Variants in AP3B1 observed in about 807,000 individuals in gnomAD.
The protein encoded by AP3B1 is adaptor related protein complex 3 subunit beta 1, also known as AP-3 complex subunit beta-1.
A neutral mutation model predicts 132.5 loss-of-function variants in AP3B1; 61 were observed. The ratio of observed to expected loss-of-function variants is 0.46; its 90% CI spans 0.37 to 0.57. The LOEUF (loss-of-function observed/expected upper bound fraction) is 0.57. AP3B1 is among the 20% of genes least tolerant of loss of function. The pLI is 0.00. For missense variants in AP3B1, 1,120 were observed against 1,289.4 expected, an observed-to-expected ratio of 0.87 and a Z score of 2.01; for synonymous variants, 388 against 438.3, an observed-to-expected ratio of 0.89 and a Z score of 1.43.
chr5:78,275,754 G>C (rs547993322), intron 1 of AP3B1, among the ~76,000 whole-genome samples: 2 of 152,042 alleles, frequency 1.3e-5, no homozygotes, highest in South Asian at 4.2e-4. Flanking sequence ...TAACAGGCAT[G>C]AGCCACTGCC....
chr5:78,048,477 A>C (rs1748437436), intron 22 of AP3B1, among the ~76,000 whole-genome samples: 1 of 152,186 alleles, frequency 6.6e-6, no homozygotes, highest in Non-Finnish European at 1.5e-5. Context: ...TAACTGGTTC[A>C]GGGATGGACA....
chr5:78,157,763 T>TG (rs1445092939), intron 13 of AP3B1, among the ~76,000 whole-genome samples: 2 of 152,086 alleles, frequency 1.3e-5, no homozygotes, highest in Non-Finnish European at 2.9e-5. Context: ...TTACTCTTTT[T>TG]TTTTGAGACA....
chr5:78,144,117 G>C, intron 14 of AP3B1, among the ~76,000 whole-genome samples: 1 of 151,960 alleles, frequency 6.6e-6, no homozygotes, highest in Non-Finnish European at 1.5e-5. Flanking sequence ...CACAGACACA[G>C]ACACAGGTAC....
chr5:78,211,588 C>T (rs1174733295), intron 7 of AP3B1, among the ~76,000 whole-genome samples: 1 of 152,186 alleles, frequency 6.6e-6, no homozygotes, highest in Non-Finnish European at 1.5e-5. Context: ...TTTTGCCACA[C>T]TTCAAGCATA....
chr5:78,227,702 CAT>C (rs1561488683), intron 4 of AP3B1, among the ~76,000 whole-genome samples, 170 bp from the exon 5 acceptor site: 1 of 152,048 alleles, frequency 6.6e-6, no homozygotes, highest in Non-Finnish European at 1.5e-5. Flanking sequence ...AAAAGACAGA[CAT>C]AAATGTTTAC....
intron 21 of AP3B1, among the ~76,000 whole-genome samples, chr5:78,093,858 T>C (rs570513350): frequency 7.2e-5 from 11 of 152,332 alleles, no homozygotes; most frequent in African/African-American, 2.6e-4. Flanking sequence ...ACAAAGCAGC[T>C]AAAGCATGGA....
intron 7 of AP3B1, among the ~76,000 whole-genome samples, chr5:78,188,320 T>C (rs752810553): frequency 1.3e-5 from 2 of 152,222 alleles, no homozygotes; most frequent in Non-Finnish European, 2.9e-5. Flanking sequence ...GAGAACATTT[T>C]TGTAATCTGT....
intron 21 of AP3B1, among the ~76,000 whole-genome samples, chr5:78,091,864 T>C (rs188613210): frequency 6.3e-4 from 96 of 152,142 alleles, no homozygotes; most frequent in African/African-American, 2.2e-3. Context: ...GAATTTACAA[T>C]AGTTTAGGAA....
At position 78,162,802 on chromosome 5, in the gene AP3B1, T is replaced by C. The variant is rs756353042; in HGVS notation, c.1363+17A>G. On this transcript the variant is annotated intron_variant, in intron 13 of 26. Transcript: ENST00000255194. ...AAATTTAAATCACCTGAAAATAAAA[T>C]GAAACTGTAAACTTACCATCCCTGT... is the stretch of plus-strand genomic sequence containing the variant. 8 of 1,613,008 alleles carry C rather than the reference T, an allele frequency of 5.0e-6. No homozygotes were observed. The highest frequency in any genetic ancestry group is 2.2e-5 in the East Asian group (1 of 44,882).
chr5:78,129,436 A>G (rs2112301688), intron 15 of AP3B1, 129 bp from the exon 16 acceptor site: 1 of 820,874 alleles, frequency 1.2e-6, no homozygotes. Context: ...CATAGGGAAT[A>G]CACATTTCTA....
At chr5:78,087,507 T>C (rs1750312571) in intron 22 of AP3B1, 7 of 981,190 alleles carry the variant, frequency 7.1e-6, no homozygotes, top group Non-Finnish European at 8.5e-6. Flanking sequence ...CCTGTCCATA[T>C]TTTATTGTTG....
At chr5:78,046,955 T>C (rs1408218493) in intron 22 of AP3B1, among the ~76,000 whole-genome samples, 5 of 152,170 alleles carry the variant, frequency 3.3e-5, no homozygotes, top group African/African-American at 1.2e-4. Flanking sequence ...CATGCGGTGT[T>C]TGGTTTTCTA....
intron 22 of AP3B1, among the ~76,000 whole-genome samples, chr5:78,070,808 G>T (rs1375931865): frequency 1.3e-5 from 2 of 151,420 alleles, no homozygotes; most frequent in Admixed American, 6.6e-5. Flanking sequence ...AAACATGAAA[G>T]AAAGCTCCAT....
intron 2 of AP3B1, among the ~76,000 whole-genome samples, chr5:78,254,879 T>C (rs549506097): frequency 6.6e-6 from 1 of 152,226 alleles, no homozygotes; most frequent in African/African-American, 2.4e-5. Flanking sequence ...TCAAAAATGG[T>C]AACTACAAGT....
intron 24 of AP3B1, among the ~76,000 whole-genome samples, chr5:78,027,019 G>T (rs1747365399): frequency 6.6e-6 from 1 of 151,850 alleles, no homozygotes; most frequent in South Asian, 2.1e-4. Flanking sequence ...ACTTTTTTCT[G>T]CCAAATAAGC....
chr5:78,109,797 C>T (rs1751495035), intron 20 of AP3B1, among the ~76,000 whole-genome samples: 1 of 152,016 alleles, frequency 6.6e-6, no homozygotes, highest in Non-Finnish European at 1.5e-5. Flanking sequence ...CAAATTCTTA[C>T]TAACTAAAGA....
At position 78,176,427 on chromosome 5, in the gene AP3B1, T is replaced by C. The variant is rs1180173511; in HGVS notation, c.1041-589A>G. The stretch of plus-strand genomic sequence containing the variant: ...AGGGAGAATAGGAACACAAAGGAAA[T>C]GGCATCTCATTTGTTACTAAGCCAG... On this transcript the variant is annotated intron_variant, in intron 9 of 26. Coordinates refer to ENST00000255194, the MANE Select transcript of AP3B1 (RefSeq NM_003664.5). Among the ~76,000 whole-genome samples, 7 of 151,438 alleles carry C rather than the reference T, an allele frequency of 4.6e-5. No homozygotes were observed. The East Asian group carries it at 1.4e-3, about 29-fold the overall frequency.
In AP3B1 at chr5:78,275,992, G is replaced by A. The variant is rs79595668; in HGVS notation, c.129-8397C>T. On this transcript the variant is annotated intron_variant, in intron 1 of 26. Transcript: ENST00000255194. ...GTTTCAACAAATTTGAAAGGTATAA[G>A]AATCAGAGTATGTGGAATCTAAATA... 1.2e-3 allele frequency among the ~76,000 whole-genome samples: 176 copies of A among 152,072 alleles called. 3 individuals carry two copies. The East Asian group carries it at 0.025, about 22-fold the overall frequency.
intron 7 of AP3B1, among the ~76,000 whole-genome samples, chr5:78,195,750 G>A (rs963686636): frequency 3.3e-5 from 5 of 152,090 alleles, no homozygotes; most frequent in African/African-American, 9.7e-5. Flanking sequence ...AACCCGGGAG[G>A]TGGAGGCTGC....
Sources: gnomAD v4.1 joint callset for allele counts (sites outside exome capture counted in the v4.1 genomes callset) on GRCh38, gnomAD v4.1.1 for gene constraint, MANE v1.5 for transcripts, NCBI Gene and HGNC (gene_info 2026-07-23, HGNC 2026-07-21) for gene names.